TMIGD2: variants seen among roughly 807,000 people sequenced by gnomAD.
The protein encoded by TMIGD2 is transmembrane and immunoglobulin domain-containing protein 2.
In TMIGD2, 18 loss-of-function variants were observed where a neutral mutation model predicts 22.6. The observed-to-expected ratio is 0.80, with a 90% confidence interval of 0.55 to 1.18. The LOEUF is 1.18. Among genes scored for constraint, TMIGD2 ranks in the 50% most tolerant of loss-of-function variants. TMIGD2 has a pLI of 0.00. For missense variants in TMIGD2, 361 were observed against 378.2 expected, an observed-to-expected ratio of 0.95 and a Z score of 0.38; for synonymous variants, 184 against 154.1, an observed-to-expected ratio of 1.19 and a Z score of -1.44.
chr19:4,292,436 G>A, exon 5 of TMIGD2: 1 of 757,818 alleles, frequency 1.3e-6, no homozygotes, highest in Non-Finnish European at 2.3e-6. Flanking sequence ...CCGCCTCCCA[G>A]GTTCAAGCCA....
chr19:4,298,426 C>A, intron 1 of TMIGD2, 81 bp from the exon 2 acceptor site: 1 of 1,470,834 alleles, frequency 6.8e-7, no homozygotes, highest in Non-Finnish European at 9.0e-7. Context: ...AGTGAGCCCG[C>A]AGTCTGGGTT....
At chr19:4,300,766 T>TGCCTG (rs1971526238) in intron 1 of TMIGD2, among the ~76,000 whole-genome samples, 1 of 152,048 alleles carries the variant, frequency 6.6e-6, no homozygotes, top group Non-Finnish European at 1.5e-5. Context: ...GGCAGGACTG[T>TGCCTG]GCCTGGCGTG....
chr19:4,302,372 C>T lies in TMIGD2; in HGVS notation c.14G>A (p.Gly5Asp), dbSNP rs750172058. The T allele has an allele frequency of 3.8e-5, 60 of 1,569,996 alleles. No homozygotes were observed. Among genetic ancestry groups the T allele is most frequent in the Non-Finnish European group, 5.2e-5 (60 of 1,156,482 alleles). Reference sequence around the variant, plus strand: ...CTGCACCAGGAGGCCCAGCACCATGCCCGGGGACCCCATTCCTGGCCCATC... The same window carrying T: ...CTGCACCAGGAGGCCCAGCACCATGTCCGGGGACCCCATTCCTGGCCCATC... Residue 5 changes from glycine to aspartate, a missense_variant, in exon 1 of 5, where the codon GGC becomes GAC. Coordinates refer to ENST00000301272, the Ensembl canonical transcript of TMIGD2.
chr19:4,294,827 G>T lies in TMIGD2; in HGVS notation c.407-11C>A. The T allele has an allele frequency of 6.4e-7, 1 of 1,555,168 alleles. No homozygotes were observed. Among genetic ancestry groups the T allele is most frequent in the Non-Finnish European group, 8.7e-7 (1 of 1,152,274 alleles). Reference sequence around the variant, plus strand: ...TCTGTGTGGGGTCATCTGCAGAGAAGAAATCTATGTCACGGGGGTGCCAGG... The same window carrying T: ...TCTGTGTGGGGTCATCTGCAGAGAATAAATCTATGTCACGGGGGTGCCAGG... On this transcript the variant is annotated splice_polypyrimidine_tract_variant and intron_variant, in intron 2 of 4. Coordinates refer to ENST00000301272, the Ensembl canonical transcript of TMIGD2.
intron 1 of TMIGD2, 76 bp from the exon 2 acceptor site, chr19:4,298,421 G>A: frequency 1.4e-6 from 2 of 1,477,030 alleles, no homozygotes; most frequent in Non-Finnish European, 1.8e-6. Flanking sequence ...CCCCTAGTGA[G>A]CCCGCAGTCT....
At position 4,302,308 on chromosome 19, in the gene TMIGD2, G is replaced by A. The variant is rs532027825; in HGVS notation, c.46+32C>T. On this transcript the variant is annotated intron_variant, in intron 1 of 4. Transcript: ENST00000301272. ...CAGCTGGGGATGACAGCAAGAGTGG[G>A]GTTCAGAGGGGAGGGAGGCCCAGAT... 3 of 1,551,948 alleles carry A rather than the reference G, an allele frequency of 1.9e-6. No homozygotes were observed. In the African/African-American group the frequency reaches 4.1e-5, roughly 21 times the overall value.
chr19:4,297,653 G>A (rs947448023), intron 2 of TMIGD2, among the ~76,000 whole-genome samples: 4 of 152,076 alleles, frequency 2.6e-5, no homozygotes, highest in Non-Finnish European at 5.9e-5. Flanking sequence ...TCAAGAGATC[G>A]AGACTATCCT....
At chr19:4,301,161 T>C (rs1482937910) in intron 1 of TMIGD2, among the ~76,000 whole-genome samples, 2 of 152,038 alleles carry the variant, frequency 1.3e-5, no homozygotes, top group African/African-American at 4.8e-5. Context: ...TTGGTAGAGA[T>C]GGGGTTTCAC....
At chr19:4,301,110 C>T (rs944865469) in intron 1 of TMIGD2, among the ~76,000 whole-genome samples, 1 of 152,030 alleles carries the variant, frequency 6.6e-6, no homozygotes, top group Non-Finnish European at 1.5e-5. Flanking sequence ...GTAGCTGGGA[C>T]TACAGGCACT....
At chr19:4,299,356 G>C (rs1230894090) in intron 1 of TMIGD2, among the ~76,000 whole-genome samples, 2 of 151,976 alleles carry the variant, frequency 1.3e-5, no homozygotes, top group Non-Finnish European at 2.9e-5. Flanking sequence ...GTGTTGCCCA[G>C]GCTGGTGTTG....
intron 4 of TMIGD2, 22 bp downstream of exon 4, chr19:4,294,557 C>T (rs1209890394): frequency 6.2e-7 from 1 of 1,610,364 alleles, no homozygotes; most frequent in African/African-American, 1.3e-5. Context: ...TCCGCCCTAC[C>T]CTCCCTTACC....
intron 1 of TMIGD2, among the ~76,000 whole-genome samples, chr19:4,298,859 G>A (rs1971498727): frequency 6.6e-6 from 1 of 152,196 alleles, no homozygotes; most frequent in African/African-American, 2.4e-5. Context: ...CAGAGCTTGT[G>A]GAATTCTGAG....
At chr19:4,297,992 C>T in exon 2 of TMIGD2, 2 of 1,581,766 alleles carry the variant, frequency 1.3e-6, no homozygotes, top group Non-Finnish European at 1.7e-6. Context: ...GTACCTGGGT[C>T]CACAAAGAGC....
chr19:4,292,973 T>A, intron 4 of TMIGD2, 88 bp from the exon 5 acceptor site: 1 of 1,558,330 alleles, frequency 6.4e-7, no homozygotes, highest in Non-Finnish European at 8.6e-7. Flanking sequence ...TCTTTTTTTT[T>A]TTTTCTGTGA....
chr19:4,294,952 T>C (rs1971441763), intron 2 of TMIGD2, 136 bp from the exon 3 acceptor site: 1 of 851,558 alleles, frequency 1.2e-6, no homozygotes, highest in African/African-American at 1.8e-5. Context: ...TCTGAACCTC[T>C]GTTTCTTCTT....
chr19:4,293,537 T>G lies in TMIGD2; in HGVS notation c.563-652A>C, dbSNP rs148163920. ...GGCCTCCCAAAATGCTGGGATTACA[T>G]GCATGAGCCACTGCACCCGGCCAAT... On this transcript the variant is annotated intron_variant, in intron 4 of 4. Coordinates refer to ENST00000301272, the Ensembl canonical transcript of TMIGD2. Among the ~76,000 whole-genome samples the G allele has an allele frequency of 8.5e-3, 1,279 of 150,494 alleles. 17 individuals carry two copies. The highest frequency in any genetic ancestry group is 0.03 in the African/African-American group (1,222 of 40,966).
At chr19:4,293,022 G>T in intron 4 of TMIGD2, 137 bp from the exon 5 acceptor site, 4 of 1,332,022 alleles carry the variant, frequency 3.0e-6, no homozygotes, top group Non-Finnish European at 4.1e-6. Context: ...GGAGTGCAGT[G>T]GCGCAATCTC....
At chr19:4,297,640 A>G (rs933310450) in intron 2 of TMIGD2, among the ~76,000 whole-genome samples, 1 of 152,124 alleles carries the variant, frequency 6.6e-6, no homozygotes, top group Non-Finnish European at 1.5e-5. Context: ...GCAGATCACG[A>G]GGTCAAGAGA....
At chr19:4,298,846 G>C (rs913566885) in intron 1 of TMIGD2, among the ~76,000 whole-genome samples, 6 of 152,110 alleles carry the variant, frequency 3.9e-5, no homozygotes, top group Non-Finnish European at 8.8e-5. Flanking sequence ...GGTATAAGTC[G>C]CTCAGAGCTT....
Sources: allele counts gnomAD v4.1 joint callset (sites outside exome capture counted in the v4.1 genomes callset), GRCh38; gene constraint gnomAD v4.1.1; transcripts MANE v1.5; gene names NCBI Gene and HGNC (gene_info 2026-07-23, HGNC 2026-07-21).